KCNMB2: variants seen among roughly 807,000 people sequenced by gnomAD.
The protein encoded by KCNMB2 is potassium calcium-activated channel subfamily M regulatory beta subunit 2.
In KCNMB2, 9 loss-of-function variants were observed where a neutral mutation model predicts 24.5. That is an observed-to-expected ratio of 0.37 (90% confidence interval 0.22 to 0.64). The LOEUF is 0.64. Among genes scored for constraint, KCNMB2 ranks in the 30% least tolerant of loss-of-function variants. KCNMB2 has a pLI of 0.63. For synonymous variants in KCNMB2, 109 were observed against 104.4 expected (o/e 1.04, Z -0.27); for missense variants, 226 against 284.3 (o/e 0.79, Z 1.47).
At chr3:178,814,085 T>G (rs1714308274) in intron 2 of KCNMB2, among the ~76,000 whole-genome samples, 1 of 152,108 alleles carries the variant, frequency 6.6e-6, no homozygotes, top group South Asian at 2.1e-4. Flanking sequence ...GGGCCTCTAT[T>G]GAACCCATCA....
At chr3:178,737,375 G>GTTGT (rs936819356) in intron 1 of KCNMB2, among the ~76,000 whole-genome samples, 1 of 152,036 alleles carries the variant, frequency 6.6e-6, no homozygotes, top group African/African-American at 2.4e-5. Flanking sequence ...TAAAAACAGG[G>GTTGT]TTGTTTGTTT....
intron 1 of KCNMB2, among the ~76,000 whole-genome samples, chr3:178,639,439 C>T (rs192328984): frequency 1.7e-3 from 255 of 152,300 alleles, no homozygotes; most frequent in Non-Finnish European, 2.6e-3. Flanking sequence ...AGGATTAAAT[C>T]CTTCCTCTGT....
At chr3:178,835,990 C>T (rs1217165826) in intron 4 of KCNMB2, among the ~76,000 whole-genome samples, 1 of 152,006 alleles carries the variant, frequency 6.6e-6, no homozygotes, top group Non-Finnish European at 1.5e-5. Context: ...AATTTCTAAC[C>T]CCATTTCAAG....
chr3:178,642,183 T>C (rs1257460789), intron 1 of KCNMB2, among the ~76,000 whole-genome samples: 1 of 152,322 alleles, frequency 6.6e-6, no homozygotes, highest in Middle Eastern at 3.4e-3. Flanking sequence ...ACTACAGAAA[T>C]ACACATATGG....
intron 1 of KCNMB2, among the ~76,000 whole-genome samples, chr3:178,541,558 AT>A (rs1715619977): frequency 6.6e-6 from 1 of 152,134 alleles, no homozygotes; most frequent in Non-Finnish European, 1.5e-5. Context: ...CCATTTATAC[AT>A]TTTTTCAATT....
At chr3:178,794,852 G>C (rs1713473176) in intron 1 of KCNMB2, among the ~76,000 whole-genome samples, 1 of 152,168 alleles carries the variant, frequency 6.6e-6, no homozygotes, top group South Asian at 2.1e-4. Flanking sequence ...GTGTGGTAAG[G>C]ACAAGGCCAA....
At chr3:178,616,660 G>A (rs1243520057) in intron 1 of KCNMB2, among the ~76,000 whole-genome samples, 3 of 152,184 alleles carry the variant, frequency 2.0e-5, no homozygotes, top group Non-Finnish European at 4.4e-5. Flanking sequence ...TGGTTCTTAT[G>A]AAGGTGTTTT....
At chr3:178,612,433 A>G (rs967142531) in intron 1 of KCNMB2, among the ~76,000 whole-genome samples, 8 of 152,120 alleles carry the variant, frequency 5.3e-5, no homozygotes, top group African/African-American at 1.9e-4. Flanking sequence ...TGTTGGGTGC[A>G]TATATATTAA....
intron 1 of KCNMB2, among the ~76,000 whole-genome samples, chr3:178,578,266 T>C (rs1717065217): frequency 6.6e-6 from 1 of 152,196 alleles, no homozygotes. Flanking sequence ...GAATTTCATA[T>C]CCTGCCAAAC....
intron 1 of KCNMB2, among the ~76,000 whole-genome samples, chr3:178,612,909 G>C (rs950045849): frequency 4.6e-5 from 7 of 151,668 alleles, no homozygotes; most frequent in African/African-American, 1.7e-4. Flanking sequence ...TATCTATTGT[G>C]TGTTTTTTTG....
intron 1 of KCNMB2, among the ~76,000 whole-genome samples, chr3:178,569,891 C>CT (rs1317860521): frequency 6.6e-6 from 1 of 151,998 alleles, no homozygotes; most frequent in East Asian, 1.9e-4. Context: ...TATTGCATGC[C>CT]TTTTTTTCCC....
At chr3:178,811,366 T>C (rs550694138) in intron 2 of KCNMB2, among the ~76,000 whole-genome samples, 1 of 152,334 alleles carries the variant, frequency 6.6e-6, no homozygotes, top group South Asian at 2.1e-4. Flanking sequence ...ATTTTGGGCA[T>C]ATCATTCCCC....
At chr3:178,620,703 A>G (rs1386015542) in intron 1 of KCNMB2, among the ~76,000 whole-genome samples, 1 of 152,222 alleles carries the variant, frequency 6.6e-6, no homozygotes, top group Admixed American at 6.5e-5. Context: ...TTGGGGAAAC[A>G]CTAACATTCA....
chr3:178,720,103 T>C (rs1304738621), intron 1 of KCNMB2, among the ~76,000 whole-genome samples: 2 of 152,118 alleles, frequency 1.3e-5, no homozygotes, highest in Non-Finnish European at 2.9e-5. Context: ...TAGCATTAGG[T>C]ATATCTCCCA....
At chr3:178,728,952 T>C (rs1393930625) in intron 1 of KCNMB2, among the ~76,000 whole-genome samples, 1 of 152,148 alleles carries the variant, frequency 6.6e-6, no homozygotes, top group Non-Finnish European at 1.5e-5. Context: ...TGTTGGTAAG[T>C]TGATACATAG....
At chr3:178,661,111 A>T (rs1304651974) in intron 1 of KCNMB2, among the ~76,000 whole-genome samples, 1 of 151,864 alleles carries the variant, frequency 6.6e-6, no homozygotes, top group Non-Finnish European at 1.5e-5. Context: ...TACATTAGGT[A>T]TTTCTCCTAA....
rs566711899 is a variant in KCNMB2 at position 178,667,376 on chromosome 3, G to T, written c.-68+130665G>T. 1.4e-4 allele frequency among the ~76,000 whole-genome samples: 21 copies of T among 152,154 alleles called. No homozygotes were observed. In the South Asian group the frequency reaches 4.4e-3, roughly 32 times the overall value. ...TAAGGATTCCTTCCTCATGAAAGGG[G>T]TTATGACCCTCATAAAAAAGGCTTC... On this transcript the variant is annotated intron_variant, in intron 1 of 4. Coordinates refer to ENST00000452583, the MANE Select transcript of KCNMB2 (RefSeq NM_181361.3).
intron 1 of KCNMB2, among the ~76,000 whole-genome samples, chr3:178,756,635 C>A (rs1478510717): frequency 6.6e-6 from 1 of 152,094 alleles, no homozygotes; most frequent in Non-Finnish European, 1.5e-5. Context: ...CTATTTTTAT[C>A]AGGCATCATC....
chr3:178,767,904 C>A (rs1423448333), intron 1 of KCNMB2, among the ~76,000 whole-genome samples: 1 of 152,196 alleles, frequency 6.6e-6, no homozygotes, highest in Non-Finnish European at 1.5e-5. Context: ...CCATACTGGG[C>A]CAATCTATTG....
Sources: allele counts gnomAD v4.1 joint callset (sites outside exome capture counted in the v4.1 genomes callset), GRCh38; gene constraint gnomAD v4.1.1; transcripts MANE v1.5; gene names NCBI Gene and HGNC (gene_info 2026-07-23, HGNC 2026-07-21).